The following COL16A1 variants were observed in gnomAD, a reference collection of about 807,000 sequenced individuals.
COL16A1 encodes collagen type XVI alpha 1 chain, also known as collagen alpha-1(XVI) chain.
Under a neutral mutation model 266.3 loss-of-function variants are expected in COL16A1, and 189 were observed. The ratio of observed to expected loss-of-function variants is 0.71; its 90% CI spans 0.63 to 0.80. The LOEUF (loss-of-function observed/expected upper bound fraction) is 0.80. Ranked by LOEUF, COL16A1 falls within the 30% of genes least tolerant of loss-of-function variation. The pLI is 0.00. For missense variants in COL16A1, 1,928 were observed against 2,122.4 expected, an observed-to-expected ratio of 0.91 and a Z score of 1.80; for synonymous variants, 740 against 782.3, an observed-to-expected ratio of 0.95 and a Z score of 0.90.
At chr1:31,690,044 TG>T in intron 22 of COL16A1, 193 bp from the exon 23 acceptor site, 3 of 622,016 alleles carry the variant, frequency 4.8e-6, no homozygotes, top group Non-Finnish European at 8.4e-6. Context: ...GATTCCAGGG[TG>T]GCGCAAAACT....
At position 31,656,476 on chromosome 1, in the gene COL16A1, C is replaced by T. The variant is rs1028212068; in HGVS notation, c.4057-32G>A. The T allele has an allele frequency of 1.2e-5, 19 of 1,608,138 alleles. No individual in the cohort carries two copies. The highest frequency in any genetic ancestry group is 3.3e-5 in the South Asian group (3 of 89,776). On this transcript the variant is annotated intron_variant, in intron 65 of 70. Transcript: ENST00000373672. This position sits in a 1 kb window ranked among gnomAD's most constrained non-coding sequence, Gnocchi z 4.2. ...GAAAGCAAAAGTCAGAGGTGAAGTC[C>T]GGGCAGCATCTCTGAGGCTCCCTGG...
Position 31,691,644 on chromosome 1 carries a change from T to C in COL16A1, c.1258-2A>G. 2 of 1,613,200 alleles carry C rather than the reference T, an allele frequency of 1.2e-6. No individual in the cohort carries two copies. The highest frequency in any genetic ancestry group is 1.7e-6 in the Non-Finnish European group (2 of 1,179,726). On this transcript the variant is annotated splice_acceptor_variant, in intron 17 of 70. Transcript: ENST00000373672. LOFTEE classifies it high-confidence loss of function. ...GACACAGATCTCTCCTGGCCGGCCC[T>C]GTGGGGGGATAAGGGGGAGGGTGTA... is the stretch of plus-strand genomic sequence containing the variant.
At chr1:31,701,439 A>C in intron 2 of COL16A1, 4 of 985,290 alleles carry the variant, frequency 4.1e-6, no homozygotes, top group Non-Finnish European at 4.8e-6. Flanking sequence ...TGCTTTTCCT[A>C]GCTGGGTTTG....
Position 31,665,652 on chromosome 1 carries a change from C to T in COL16A1, c.3457-34G>A. On this transcript the variant is annotated intron_variant, in intron 54 of 70. Transcript: ENST00000373672. ...AGAAGCAAGGGGCAGTGTGCTGTGCCACCCCCTCTCTCCTGCCTGGCTGCC... is the reference window on the plus strand; with the variant it reads ...AGAAGCAAGGGGCAGTGTGCTGTGCTACCCCCTCTCTCCTGCCTGGCTGCC... The T allele has an allele frequency of 3.1e-6, 5 of 1,609,476 alleles. 1 individual carries two copies. The highest frequency in any genetic ancestry group is 4.2e-6 in the Non-Finnish European group (5 of 1,177,574).
intron 64 of COL16A1, 133 bp downstream of exon 64, chr1:31,658,355 G>A (rs1417476319): frequency 1.9e-5 from 15 of 789,674 alleles, no homozygotes; most frequent in Non-Finnish European, 3.1e-5. Flanking sequence ...AGGCCCGAAC[G>A]CCACGCTGCC....
rs549358866 is a variant in COL16A1, at chr1:31,697,899, C to G, written c.657+7G>C. 6.2e-7 allele frequency: 1 copy of G among 1,607,088 alleles called. No homozygotes were observed. Among genetic ancestry groups the G allele is most frequent in the Non-Finnish European group, 8.5e-7 (1 of 1,176,780 alleles). The stretch of plus-strand genomic sequence containing the variant: ...GAACAGAGGTCAGGGCCTGACCTAG[C>G]ACTCACCGAGACAGGCTTGCCCTGC... On this transcript the variant is annotated splice_region_variant and intron_variant, in intron 6 of 70. Transcript: ENST00000373672. The surrounding 1 kb of genome is among the most constrained non-coding windows in gnomAD (Gnocchi z 4.2).
Position 31,656,369 on chromosome 1 carries a change from C to G in COL16A1, c.4101+31G>C, listed in dbSNP as rs1366481904. On this transcript the variant is annotated intron_variant, in intron 66 of 70. Transcript: ENST00000373672. The surrounding 1 kb of genome is among the most constrained non-coding windows in gnomAD (Gnocchi z 4.2). ...CTGGGCTTCATCCACTCGTGAGCTT[C>G]TCCTCTCAAGCCCAGCCAGTGCCCA... The G allele has an allele frequency of 6.2e-7, 1 of 1,612,388 alleles. No individual in the cohort carries two copies. The highest frequency in any genetic ancestry group is 8.5e-7 in the Non-Finnish European group (1 of 1,179,490).
intron 20 of COL16A1, 100 bp from the exon 21 acceptor site, chr1:31,690,673 T>A: frequency 6.6e-7 from 1 of 1,513,238 alleles, no homozygotes; most frequent in Admixed American, 2.0e-5. Flanking sequence ...GGCAGAACAA[T>A]CGTTGCCAAA....
intron 16 of COL16A1, 128 bp downstream of exon 16, chr1:31,692,342 GGGGA>G (rs1644309077): frequency 7.1e-7 from 1 of 1,411,512 alleles, no homozygotes; most frequent in Admixed American, 2.5e-5. Context: ...GGGGGAGATG[GGGGA>G]GGGAGGGTCC....
At position 31,670,690 on chromosome 1, in the gene COL16A1, C is replaced by A; in HGVS notation, c.3151-44G>T. On this transcript the variant is annotated intron_variant, in intron 48 of 70. Coordinates refer to ENST00000373672, the MANE Select transcript of COL16A1 (RefSeq NM_001856.4). The surrounding 1 kb of genome is among the most constrained non-coding windows in gnomAD (Gnocchi z 4.5). Reference sequence around the variant, plus strand: ...AGGTCACATCTCACAGGCACAGTAACCCTGGGACAGCCTGGAGGGCACAGT... The same window carrying A: ...AGGTCACATCTCACAGGCACAGTAAACCTGGGACAGCCTGGAGGGCACAGT... The A allele has an allele frequency of 7.1e-7, 1 of 1,408,926 alleles. No homozygotes were observed. The highest frequency in any genetic ancestry group is 9.3e-7 in the Non-Finnish European group (1 of 1,079,502). 87.3% of individuals were successfully genotyped at this position (1,408,926 alleles called of 1,614,324 possible). A position where few individuals can be genotyped will look rare whatever the true frequency, so the allele number is the denominator to read the frequency against.
intron 60 of COL16A1, 111 bp downstream of exon 60, chr1:31,661,303 G>A (rs899790219): frequency 1.0e-5 from 16 of 1,560,760 alleles, no homozygotes; most frequent in Non-Finnish European, 1.4e-5. Context: ...GCCCCAGGAG[G>A]CTCTGATGCT....
chr1:31,662,217 G>T (rs1200788459), intron 58 of COL16A1, 117 bp downstream of exon 58: 2 of 1,533,152 alleles, frequency 1.3e-6, no homozygotes, highest in African/African-American at 2.7e-5. Context: ...GAGGGCATGG[G>T]TGCCCCCTGA....
At position 31,668,927 on chromosome 1, in the gene COL16A1, C is replaced by T; in HGVS notation, c.3196-72G>A. The T allele has an allele frequency of 2.2e-6, 3 of 1,381,458 alleles. No individual in the cohort carries two copies. The highest frequency in any genetic ancestry group is 3.0e-6 in the Non-Finnish European group (3 of 991,696). 85.6% of individuals were successfully genotyped at this position (1,381,458 alleles called of 1,614,324 possible). On this transcript the variant is annotated intron_variant, in intron 49 of 70. Transcript: ENST00000373672. The surrounding 1 kb of genome is among the most constrained non-coding windows in gnomAD (Gnocchi z 5.8). ...CCCAGCCCCTGACTCCTTCCCCCTG[C>T]CCCACTGCCTTCTGTTCCCACTCCA...
Position 31,658,899 on chromosome 1 carries a change from G to A in COL16A1, c.3930+15C>T. On this transcript the variant is annotated intron_variant, in intron 63 of 70. Coordinates refer to ENST00000373672, the MANE Select transcript of COL16A1 (RefSeq NM_001856.4). ...AACTCCTGGGAGGGAGGAAGGAGTG[G>A]AGCATGTTACTCACCACTGCAGAGA... 6.4e-7 allele frequency: 1 copy of A among 1,552,502 alleles called. No individual in the cohort carries two copies. The highest frequency in any genetic ancestry group is 8.7e-7 in the Non-Finnish European group (1 of 1,147,452).
Position 31,698,306 on chromosome 1 carries a change from T to C in COL16A1, c.391-134A>G. On this transcript the variant is annotated intron_variant, in intron 5 of 70. Coordinates refer to ENST00000373672, the MANE Select transcript of COL16A1 (RefSeq NM_001856.4). This position sits in a 1 kb window ranked among gnomAD's most constrained non-coding sequence, Gnocchi z 4.1. ...AGAAAGAGAAGAAAGCCGGCTGGGG[T>C]CAAGGAGCTATACATCCTGAAAGAA... is the stretch of plus-strand genomic sequence containing the variant. 6.5e-7 allele frequency: 1 copy of C among 1,535,856 alleles called. No individual in the cohort carries two copies. Among genetic ancestry groups the C allele is most frequent in the South Asian group, 1.3e-5 (1 of 76,818 alleles).
In COL16A1 at chr1:31,684,858, T is replaced by C. The variant is rs772821576; in HGVS notation, c.2017-2A>G. 2.4e-5 allele frequency: 38 copies of C among 1,613,696 alleles called. No individual in the cohort carries two copies. The highest frequency in any genetic ancestry group is 3.1e-5 in the Non-Finnish European group (36 of 1,180,000). On this transcript the variant is annotated splice_acceptor_variant, in intron 29 of 70. Transcript: ENST00000373672. LOFTEE classifies it high-confidence loss of function. Reference sequence around the variant, plus strand: ...CAGTCCACGCTCTCCAGCCTTGCCCTGAGGAGAAAGCATTTCCAGCACCCG... The same window carrying C: ...CAGTCCACGCTCTCCAGCCTTGCCCCGAGGAGAAAGCATTTCCAGCACCCG...
Position 31,696,119 on chromosome 1 carries a change from C to A in COL16A1, c.887G>T (p.Arg296Ile). The A allele has an allele frequency of 6.2e-7, 1 of 1,600,206 alleles. No homozygotes were observed. Among genetic ancestry groups the A allele is most frequent in the East Asian group, 2.3e-5 (1 of 44,136 alleles). The change falls in exon 9 of 71, where the codon AGA becomes ATA. Residue 296 changes from arginine to isoleucine, a missense_variant. Arg to Ile is a moderately conservative substitution (Grantham distance 97). Coordinates refer to ENST00000373672, the MANE Select transcript of COL16A1 (RefSeq NM_001856.4). ...NSEVDAQLTGRISQKAERGAK... is the reference protein window; with the variant it reads ...NSEVDAQLTGIISQKAERGAK... ...TCCCCTTTCTGCCTTCTGGCTGATT[C>A]TTCCCGTCAGCTGGGCATCCACCTG...
chr1:31,695,734 C>T, intron 10 of COL16A1, 27 bp downstream of exon 10: 1 of 1,611,774 alleles, frequency 6.2e-7, no homozygotes, highest in Admixed American at 1.7e-5. Flanking sequence ...GGCACCTCCC[C>T]TGCTGCCAGT....
chr1:31,690,011 A>G lies in COL16A1; in HGVS notation c.1510-160T>C, dbSNP rs1644185363. On this transcript the variant is annotated intron_variant, in intron 22 of 70. Coordinates refer to ENST00000373672, the MANE Select transcript of COL16A1 (RefSeq NM_001856.4). Reference sequence around the variant, plus strand: ...GAATGCCGCTGGGGCTTCCTGTTCAACTGACTCATTCATTCACCACAAGAT... The same window carrying G: ...GAATGCCGCTGGGGCTTCCTGTTCAGCTGACTCATTCATTCACCACAAGAT... 2.3e-5 allele frequency: 15 copies of G among 648,084 alleles called. No individual in the cohort carries two copies. The East Asian group carries it at 4.1e-4, about 18-fold the overall frequency. 40.1% of individuals were successfully genotyped at this position (648,084 alleles called of 1,614,324 possible).
Sources: allele counts gnomAD v4.1 joint callset, GRCh38; gene constraint gnomAD v4.1.1; non-coding constraint Gnocchi (gnomAD v3.1); transcripts MANE v1.5; gene names NCBI Gene and HGNC (gene_info 2026-07-23, HGNC 2026-07-21).